SNX29: variants seen among roughly 807,000 people sequenced by gnomAD.
SNX29 encodes the protein sorting nexin 29.
SNX29 carries 78 observed loss-of-function variants against 102.1 expected under a neutral mutation model. The observed-to-expected ratio is 0.76, with a 90% CI of 0.64 to 0.92. SNX29 has a LOEUF of 0.92. SNX29 is among the 40% of genes least tolerant of loss of function. SNX29 has a pLI of 0.00. For synonymous variants in SNX29, 580 were observed against 414.5 expected (o/e 1.40, Z -4.85); for missense variants, 1,280 against 1,061.7 (o/e 1.21, Z -2.86).
chr16:12,030,999 G>C (rs1246923229), intron 4 of SNX29, among the ~76,000 whole-genome samples: 1 of 152,160 alleles, frequency 6.6e-6, no homozygotes, highest in African/African-American at 2.4e-5. Flanking sequence ...GCCAGATCCT[G>C]TGTGGGGCAG....
chr16:12,216,698 G>GCC (rs2077333327), intron 14 of SNX29, among the ~76,000 whole-genome samples: 1 of 152,122 alleles, frequency 6.6e-6, no homozygotes, highest in Non-Finnish European at 1.5e-5. Flanking sequence ...CACATTGCCT[G>GCC]CCCATGTGCC....
At chr16:12,109,151 A>AG (rs1377009356) in intron 11 of SNX29, among the ~76,000 whole-genome samples, 23 of 151,428 alleles carry the variant, frequency 1.5e-4, no homozygotes, top group African/African-American at 5.6e-4. Flanking sequence ...AAAAAAAAAA[A>AG]AAAAGAAAAG....
chr16:12,326,482 G>A (rs1235790136), intron 15 of SNX29, among the ~76,000 whole-genome samples: 5 of 152,120 alleles, frequency 3.3e-5, no homozygotes, highest in African/African-American at 1.2e-4. Context: ...TGTCCGGTGT[G>A]ATGGCCATGT....
rs2079122912 is a variant in SNX29, at chr16:12,568,866, C to T, written c.*237C>T. The T allele has an allele frequency of 1.2e-5, 7 of 605,706 alleles. No individual in the cohort carries two copies. Among genetic ancestry groups the T allele is most frequent in the East Asian group, 6.2e-5 (2 of 32,326 alleles). 37.5% of individuals were successfully genotyped at this position (605,706 alleles called of 1,614,324 possible). The stretch of plus-strand genomic sequence containing the variant: ...GCTGGAGAGACTGGGACACACAGTC[C>T]TTCTGCTTCTGGGGTCTACCCTGGG... On this transcript the variant is annotated 3_prime_UTR_variant, in exon 21 of 21. Transcript: ENST00000566228.
At chr16:12,159,795 C>G (rs2055704606) in intron 13 of SNX29, among the ~76,000 whole-genome samples, 1 of 152,164 alleles carries the variant, frequency 6.6e-6, no homozygotes, top group African/African-American at 2.4e-5. Flanking sequence ...GCTCAGTGGC[C>G]TTGGTGAACA....
At chr16:12,552,235 G>GC (rs909866226) in intron 20 of SNX29, among the ~76,000 whole-genome samples, 2 of 149,658 alleles carry the variant, frequency 1.3e-5, no homozygotes, top group African/African-American at 4.8e-5. Flanking sequence ...CCAGCACCAT[G>GC]CCCCAGCTTT....
chr16:12,349,738 A>C (rs945710123), intron 15 of SNX29, among the ~76,000 whole-genome samples: 1 of 150,978 alleles, frequency 6.6e-6, no homozygotes, highest in Non-Finnish European at 1.5e-5. Context: ...TTTCTTTTCA[A>C]CTCTCTTGAA....
intron 1 of SNX29, 34 bp from the exon 2 acceptor site, chr16:11,999,263 C>A: frequency 6.2e-7 from 1 of 1,610,870 alleles, no homozygotes; most frequent in South Asian, 1.1e-5. Flanking sequence ...GTCCGAGCGT[C>A]AGAGAGAACT....
At chr16:12,459,587 G>C (rs1425375695) in intron 18 of SNX29, among the ~76,000 whole-genome samples, 1 of 152,174 alleles carries the variant, frequency 6.6e-6, no homozygotes, top group Non-Finnish European at 1.5e-5. Context: ...CTCAGAGCCT[G>C]GGTCAGTCTG....
intron 11 of SNX29, among the ~76,000 whole-genome samples, chr16:12,090,460 G>C (rs1224314716): frequency 1.3e-5 from 2 of 152,176 alleles, no homozygotes; most frequent in African/African-American, 4.8e-5. Flanking sequence ...CGTTGCTCCA[G>C]GGAGGCCAGT....
chr16:12,561,623 A>G (rs928953485), intron 20 of SNX29, among the ~76,000 whole-genome samples: 64 of 152,188 alleles, frequency 4.2e-4, no homozygotes, highest in African/African-American at 1.4e-3. Flanking sequence ...GTGTACCCCA[A>G]GAGGCTTATT....
At chr16:12,159,731 A>G (rs862692) in intron 13 of SNX29, among the ~76,000 whole-genome samples, 63,320 of 152,028 alleles carry the variant, frequency 0.42, 16,778 homozygotes, top group African/African-American at 0.76. Context: ...AAAATATAAA[A>G]AGGAAAGGAA....
chr16:12,143,774 A>G (rs1830649672), intron 13 of SNX29, among the ~76,000 whole-genome samples: 1 of 152,220 alleles, frequency 6.6e-6, no homozygotes, highest in Non-Finnish European at 1.5e-5. Flanking sequence ...AGATGTAACT[A>G]GCTTCCTAAT....
chr16:12,443,282 C>T (rs2085893206), intron 18 of SNX29: 2 of 219,006 alleles, frequency 9.1e-6, no homozygotes, highest in Admixed American at 5.3e-5. Flanking sequence ...CACGCTGTTC[C>T]TCCCTGACTA....
In SNX29 at chr16:12,572,399, G is replaced by A. The variant is rs2079205867; in HGVS notation, c.*3770G>A. 2.8e-6 allele frequency: 3 copies of A among 1,063,390 alleles called. No homozygotes were observed. Among genetic ancestry groups the A allele is most frequent in the Non-Finnish European group, 3.4e-6 (3 of 878,106 alleles). The allele number at this position is 1,063,390 out of a possible 1,614,324, so 65.9% of individuals were successfully genotyped here. Reference sequence around the variant, plus strand: ...GGCGGCTTATATCCCAACAGCCTGAGGCAGGGCTCTGTGGCCCAGGCCGGC... The same window carrying A: ...GGCGGCTTATATCCCAACAGCCTGAAGCAGGGCTCTGTGGCCCAGGCCGGC... On this transcript the variant is annotated 3_prime_UTR_variant, in exon 21 of 21. Coordinates refer to ENST00000566228, the MANE Select transcript of SNX29 (RefSeq NM_032167.5).
intron 15 of SNX29, among the ~76,000 whole-genome samples, chr16:12,286,535 TG>T (rs1472806909): frequency 6.6e-6 from 1 of 151,592 alleles, no homozygotes; most frequent in African/African-American, 2.4e-5. Context: ...TTAGTAGAGA[TG>T]GGGTTTCACC....
intron 18 of SNX29, among the ~76,000 whole-genome samples, chr16:12,476,472 A>G (rs2087658307): frequency 7.9e-6 from 1 of 126,178 alleles, no homozygotes; most frequent in Non-Finnish European, 1.6e-5. Context: ...TTGCTCATAA[A>G]AGACCCCTAA....
At chr16:12,268,820 C>T (rs538383472) in intron 14 of SNX29, among the ~76,000 whole-genome samples, 59 of 152,250 alleles carry the variant, frequency 3.9e-4, no homozygotes, top group South Asian at 2.5e-3. Context: ...TTTGCCATGC[C>T]GCTCTCCATG....
At chr16:12,561,398 A>C (rs766894447) in intron 20 of SNX29, among the ~76,000 whole-genome samples, 2 of 152,134 alleles carry the variant, frequency 1.3e-5, no homozygotes, top group African/African-American at 2.4e-5. Context: ...CATCCCCGCC[A>C]CACACACAGA....
Sources: allele counts gnomAD v4.1 joint callset (sites outside exome capture counted in the v4.1 genomes callset), GRCh38; gene constraint gnomAD v4.1.1; transcripts MANE v1.5; gene names NCBI Gene and HGNC (gene_info 2026-07-23, HGNC 2026-07-21).